The following SYN3 variants were observed in gnomAD, a reference collection of about 807,000 sequenced individuals.
SYN3 encodes synapsin-3.
In SYN3, 35 loss-of-function variants were observed where a neutral mutation model predicts 65.8. That is an observed-to-expected ratio of 0.53 (90% confidence interval 0.41 to 0.70). The LOEUF (loss-of-function observed/expected upper bound fraction) is 0.70, where lower values mean the gene tolerates loss of function less well. Among genes scored for constraint, SYN3 ranks in the 30% least tolerant of loss-of-function variants. The probability of loss-of-function intolerance (pLI) is 0.00; values close to 1 mark genes in which losing one functional copy is unlikely to be tolerated. For missense variants in SYN3, 680 were observed against 749.0 expected (o/e 0.91, Z 1.08); for synonymous variants, 270 against 292.9 (o/e 0.92, Z 0.80).
chr22:32,955,086 C>T (rs1214362473), intron 3 of SYN3, among the ~76,000 whole-genome samples: 1 of 152,000 alleles, frequency 6.6e-6, no homozygotes, highest in African/African-American at 2.4e-5. Flanking sequence ...TACTGTCTCC[C>T]TGTATCTCAT....
intron 3 of SYN3, among the ~76,000 whole-genome samples, chr22:32,960,576 A>G (rs1266394110): frequency 6.6e-6 from 1 of 152,100 alleles, no homozygotes; most frequent in Non-Finnish European, 1.5e-5. Flanking sequence ...CCTTCTTGAC[A>G]GTCATGCATG....
rs1462087296 is a variant in SYN3, at chr22:32,601,519, C to T, written c.712-4783G>A. Among the ~76,000 whole-genome samples, 3 of 152,224 alleles carry T rather than the reference C, an allele frequency of 2.0e-5. No homozygotes were observed. The East Asian group carries it at 5.8e-4, about 29-fold the overall frequency. On this transcript the variant is annotated intron_variant, in intron 6 of 13. Coordinates refer to ENST00000358763, the MANE Select transcript of SYN3 (RefSeq NM_003490.4). ...GTCTGGATCTCCTGACCTCGTGATC[C>T]ACCCGCCTTGGCCTCCCAAAGTGCT...
chr22:32,536,191 G>A (rs2058162042), intron 9 of SYN3, among the ~76,000 whole-genome samples: 1 of 152,198 alleles, frequency 6.6e-6, no homozygotes. Flanking sequence ...GGCCACGACT[G>A]TCCCGTGAAC....
intron 6 of SYN3, among the ~76,000 whole-genome samples, chr22:32,719,642 A>T (rs544385620): frequency 1.3e-5 from 2 of 152,310 alleles, no homozygotes; most frequent in South Asian, 4.1e-4. Context: ...CAAGAGTTCA[A>T]GGCCAGTCTG....
intron 7 of SYN3, among the ~76,000 whole-genome samples, chr22:32,568,781 T>A (rs1573669): frequency 0.31 from 46,533 of 152,128 alleles, 7,456 homozygotes; most frequent in East Asian, 0.52. Context: ...GATACCTAGC[T>A]AGCTAGGTTG....
At chr22:32,766,599 G>C (rs1428046934) in intron 6 of SYN3, among the ~76,000 whole-genome samples, 1 of 152,178 alleles carries the variant, frequency 6.6e-6, no homozygotes, top group African/African-American at 2.4e-5. Flanking sequence ...ATGCACTGCT[G>C]TTTCACATCA....
At chr22:32,533,732 C>T in intron 10 of SYN3, 61 bp downstream of exon 10, 1 of 1,213,406 alleles carries the variant, frequency 8.2e-7, no homozygotes, top group Non-Finnish European at 1.2e-6. Flanking sequence ...CAGGGATTCC[C>T]TCCCCCTGGC....
intron 11 of SYN3, among the ~76,000 whole-genome samples, chr22:32,528,260 G>A (rs139641303): frequency 1.3e-5 from 2 of 152,186 alleles, no homozygotes; most frequent in Non-Finnish European, 2.9e-5. Flanking sequence ...AGCCCCGTCA[G>A]TATAATAACT....
chr22:32,988,399 G>A (rs1233426536), intron 2 of SYN3, among the ~76,000 whole-genome samples: 1 of 146,190 alleles, frequency 6.8e-6, no homozygotes, highest in Non-Finnish European at 1.5e-5. Flanking sequence ...CAACCAATGT[G>A]ATTGAGGATA....
At chr22:32,663,157 G>T (rs1243888431) in intron 6 of SYN3, among the ~76,000 whole-genome samples, 9 of 152,210 alleles carry the variant, frequency 5.9e-5, no homozygotes, top group Admixed American at 5.2e-4. Flanking sequence ...TAGCATGGTT[G>T]TGTAAGAGGA....
At chr22:32,746,672 A>T (rs556746332) in intron 6 of SYN3, among the ~76,000 whole-genome samples, 1 of 152,180 alleles carries the variant, frequency 6.6e-6, no homozygotes, top group African/African-American at 2.4e-5. Context: ...TGCTACCCTA[A>T]CATGTGTTAT....
rs149276355 is a variant in SYN3, at chr22:32,980,659, T to C, written c.355A>G (p.Ile119Val). ...CTCCCACCTACCTGCTCCACTCGGA[T>C]CTCAATCTCTCCATTCACCTTCTTC... is the stretch of plus-strand genomic sequence containing the variant. ...HGKKVNGEIE[I>V]RVEQAEFSEL... Residue 119 changes from isoleucine (I) to valine (V), a missense_variant, in exon 3 of 14, where the codon ATC (isoleucine) becomes GTC (valine). Transcript: ENST00000358763. 294 of 1,613,900 alleles carry C rather than the reference T, an allele frequency of 1.8e-4. No individual in the cohort carries two copies. Among genetic ancestry groups the C allele is most frequent in the Non-Finnish European group, 1.9e-4 (225 of 1,179,974 alleles).
At chr22:32,784,653 G>A (rs1206922179) in intron 6 of SYN3, among the ~76,000 whole-genome samples, 1 of 152,166 alleles carries the variant, frequency 6.6e-6, no homozygotes, top group East Asian at 1.9e-4. Context: ...AGAGTGTATG[G>A]CAACATTGTC....
intron 4 of SYN3, among the ~76,000 whole-genome samples, chr22:32,912,721 TA>T (rs11352907): frequency 0.28 from 41,202 of 145,860 alleles, 5,742 homozygotes; most frequent in South Asian, 0.38. Flanking sequence ...ACCTTTTCTC[TA>T]AAAAAAAAAA....
chr22:33,053,412 G>A (rs967913328), intron 1 of SYN3, among the ~76,000 whole-genome samples: 11 of 152,128 alleles, frequency 7.2e-5, no homozygotes, highest in Admixed American at 7.2e-4. Flanking sequence ...ACAACAGAGC[G>A]AGACTCCGTT....
intron 6 of SYN3, among the ~76,000 whole-genome samples, chr22:32,807,933 A>G (rs2046809484): frequency 6.6e-6 from 1 of 152,212 alleles, no homozygotes; most frequent in South Asian, 2.1e-4. Flanking sequence ...GCTTCTCTCA[A>G]ATAGAAAAAC....
intron 6 of SYN3, among the ~76,000 whole-genome samples, chr22:32,735,906 G>A (rs1304599475): frequency 6.6e-6 from 1 of 152,210 alleles, no homozygotes; most frequent in African/African-American, 2.4e-5. Context: ...CAGAGAAAGG[G>A]ACCAGGACTT....
At chr22:32,829,541 C>T (rs1018971291) in intron 6 of SYN3, among the ~76,000 whole-genome samples, 1 of 152,240 alleles carries the variant, frequency 6.6e-6, no homozygotes, top group African/African-American at 2.4e-5. Context: ...CGCAGCAGGG[C>T]TGCCCGCCTC....
intron 10 of SYN3, among the ~76,000 whole-genome samples, chr22:32,532,339 A>G (rs1412649776): frequency 6.6e-6 from 1 of 152,298 alleles, no homozygotes; most frequent in African/African-American, 2.4e-5. Context: ...CTCTGGGCTG[A>G]AGCTCCCAGA....
Sources: allele counts gnomAD v4.1 joint callset (sites outside exome capture counted in the v4.1 genomes callset), GRCh38; gene constraint gnomAD v4.1.1; transcripts MANE v1.5; gene names NCBI Gene and HGNC (gene_info 2026-07-23, HGNC 2026-07-21).